The following OLFM3 variants were observed in gnomAD, a reference collection of about 807,000 sequenced individuals.
The protein encoded by OLFM3 is noelin-3.
OLFM3 carries 20 observed loss-of-function variants against 48.6 expected under a neutral mutation model. The observed-to-expected ratio is 0.41, with a 90% CI of 0.29 to 0.60. OLFM3 has a LOEUF of 0.60. Ranked by LOEUF, OLFM3 falls within the 20% of genes least tolerant of loss-of-function variation. The pLI is 0.28. For synonymous variants in OLFM3, 222 were observed against 198.1 expected (o/e 1.12, Z -1.01); for missense variants, 437 against 544.3 (o/e 0.80, Z 1.96).
Position 101,830,652 on chromosome 1 carries a change from A to G in OLFM3, c.372+20T>C. ...TCCATGTCTGATTTGGATTGACAAG[A>G]TTGCAGAAGTCAAACCTACCTGAAA... On this transcript the variant is annotated intron_variant, in intron 3 of 5. Transcript: ENST00000370103. 3.1e-6 allele frequency: 5 copies of G among 1,613,930 alleles called. No individual in the cohort carries two copies. The highest frequency in any genetic ancestry group is 4.2e-6 in the Non-Finnish European group (5 of 1,179,852).
At chr1:101,830,308 A>G (rs985286199) in intron 3 of OLFM3, among the ~76,000 whole-genome samples, 1 of 152,210 alleles carries the variant, frequency 6.6e-6, no homozygotes, top group African/African-American at 2.4e-5. Flanking sequence ...CCACATGCTC[A>G]TATTAATGGC....
Position 101,805,000 on chromosome 1 carries a change from C to T in OLFM3, c.700-85G>A. ...AAAAGAAAGACAGTGAGAGTCAACA[C>T]TTATTATAATTCTCAGGCTCTGGAA... On this transcript the variant is annotated intron_variant, in intron 5 of 5. Transcript: ENST00000370103. This position sits in a 1 kb window ranked among gnomAD's most constrained non-coding sequence, Gnocchi z 4.5. 9.6e-7 allele frequency: 1 copy of T among 1,046,284 alleles called. No individual in the cohort carries two copies. 64.8% of individuals were successfully genotyped at this position (1,046,284 alleles called of 1,614,324 possible).
Position 101,942,912 on chromosome 1 carries a change from G to A in OLFM3, c.69+53836C>T, listed in dbSNP as rs980546352. On this transcript the variant is annotated intron_variant, in intron 1 of 5. Transcript: ENST00000370103. Reference sequence around the variant, plus strand: ...TCTTTGGTTACTAACGGTGACTCCTGAGAGTCACTATTTACAATTCTATTT... The same window carrying A: ...TCTTTGGTTACTAACGGTGACTCCTAAGAGTCACTATTTACAATTCTATTT... 3.3e-5 allele frequency among the ~76,000 whole-genome samples: 5 copies of A among 152,254 alleles called. No individual in the cohort carries two copies. In the East Asian group the frequency reaches 9.7e-4, roughly 29 times the overall value.
At chr1:101,842,300 G>A (rs1655762978) in intron 1 of OLFM3, among the ~76,000 whole-genome samples, 1 of 152,164 alleles carries the variant, frequency 6.6e-6, no homozygotes, top group African/African-American at 2.4e-5. Flanking sequence ...TTGGGAGGCT[G>A]GGGCAGGTGG....
chr1:101,978,653 C>T (rs1279570839), intron 1 of OLFM3, among the ~76,000 whole-genome samples: 6 of 152,008 alleles, frequency 3.9e-5, no homozygotes, highest in African/African-American at 1.2e-4. Flanking sequence ...TAGTAGTAAC[C>T]AGATCAAACT....
chr1:101,819,745 T>C (rs893495477), intron 4 of OLFM3, among the ~76,000 whole-genome samples: 6 of 152,070 alleles, frequency 3.9e-5, no homozygotes, highest in African/African-American at 1.2e-4. Context: ...AAAGACATTA[T>C]GTATGGGGAA....
rs1653758175 is a variant in OLFM3 at position 101,806,080 on chromosome 1, T to C, written c.695A>G (p.Asn232Ser). ...MTDPLASEKN[N>S]RVWYMDSYTN... is the part of the protein sequence containing the mutation. The stretch of plus-strand genomic sequence containing the variant: ...GTGTTTGTGGGAGAAACATACTCTG[T>C]TGTTTTTCTCAGATGCTAAAGGGTC... Residue 232 changes from asparagine (N) to serine (S), a missense_variant, in exon 5 of 6, where the codon AAC (asparagine) becomes AGC (serine). Physicochemically the swap from Asn to Ser is conservative, Grantham distance 46. This residue lies in a region of OLFM3 where 314 missense variants were observed against 365.5 expected (regional missense o/e 0.86). Transcript: ENST00000370103. The C allele has an allele frequency of 1.2e-6, 2 of 1,609,518 alleles. No individual in the cohort carries two copies. Among genetic ancestry groups the C allele is most frequent in the South Asian group, 2.2e-5 (2 of 90,936 alleles).
intron 1 of OLFM3, among the ~76,000 whole-genome samples, chr1:101,990,989 TAAAAAA>T (rs58481588): frequency 1.1e-4 from 1 of 8,902 alleles, no homozygotes; most frequent in Non-Finnish European, 2.5e-4. Context: ...TGTCAAAAAG[TAAAAAA>T]AAAAAAAAAA....
chr1:101,907,835 A>C, intron 1 of OLFM3, among the ~76,000 whole-genome samples: 1 of 152,168 alleles, frequency 6.6e-6, no homozygotes, highest in African/African-American at 2.4e-5. Context: ...TTTCCCTTAA[A>C]ATAATCACTC....
intron 1 of OLFM3, among the ~76,000 whole-genome samples, chr1:101,977,374 G>A (rs1328389131): frequency 6.6e-6 from 1 of 152,090 alleles, no homozygotes; most frequent in Non-Finnish European, 1.5e-5. Context: ...TTTTCCTTCA[G>A]TACTAACTGT....
intron 1 of OLFM3, among the ~76,000 whole-genome samples, chr1:101,971,414 T>G (rs1660800331): frequency 6.6e-6 from 1 of 152,164 alleles, no homozygotes; most frequent in South Asian, 2.1e-4. Context: ...ATAGAAAATT[T>G]TATGAAGACT....
Position 101,804,098 on chromosome 1 carries a change from T to C in OLFM3, c.*140A>G. ...AAGTTAGACAAGCTCAGCTATGTTT[T>C]TGAAACACCAACTTTACAATAAAAA... On this transcript the variant is annotated 3_prime_UTR_variant, in exon 6 of 6. Coordinates refer to ENST00000370103, the MANE Select transcript of OLFM3 (RefSeq NM_058170.4). This position sits in a 1 kb window ranked among gnomAD's most constrained non-coding sequence, Gnocchi z 4.5. The C allele has an allele frequency of 1.5e-6, 1 of 665,450 alleles. No individual in the cohort carries two copies. 41.2% of individuals were successfully genotyped at this position (665,450 alleles called of 1,614,324 possible).
chr1:101,861,642 T>C (rs1656661363), intron 1 of OLFM3, among the ~76,000 whole-genome samples: 1 of 152,236 alleles, frequency 6.6e-6, no homozygotes, highest in African/African-American at 2.4e-5. Flanking sequence ...GTTAGCAGTA[T>C]GGCATGCCTT....
intron 1 of OLFM3, among the ~76,000 whole-genome samples, chr1:101,972,020 T>C (rs1371639766): frequency 6.6e-6 from 1 of 151,882 alleles, no homozygotes; most frequent in African/African-American, 2.4e-5. Flanking sequence ...AAGTAAACTT[T>C]TAGTTCAAAA....
chr1:101,968,475 G>A (rs1051694209), intron 1 of OLFM3, among the ~76,000 whole-genome samples: 5 of 149,704 alleles, frequency 3.3e-5, no homozygotes, highest in African/African-American at 7.4e-5. Context: ...TCTTAGGAAT[G>A]GGGTATCATC....
rs761615524 is a variant in OLFM3 at position 101,804,688 on chromosome 1, C to T, written c.927G>A (p.Glu309=). 6 of 1,612,502 alleles carry T rather than the reference C, an allele frequency of 3.7e-6. No homozygotes were observed. The highest frequency in any genetic ancestry group is 1.7e-5 in the Admixed American group (1 of 59,790). Residue 309 remains glutamate, a synonymous_variant, in exon 6 of 6, where the codon GAG becomes GAA. Coordinates refer to ENST00000370103, the MANE Select transcript of OLFM3 (RefSeq NM_058170.4). The surrounding 1 kb of genome is among the most constrained non-coding windows in gnomAD (Gnocchi z 4.5). The stretch of plus-strand genomic sequence containing the variant: ...GGTAAACATTATGAAAACCAGCATA[C>T]TCCAGGCTTCGTTGGGCAAGCACTC... ...MGRVLAQRSL[E]YAGFHNVYPY... is the part of the protein sequence containing the mutation.
At chr1:101,978,071 A>C (rs980700237) in intron 1 of OLFM3, among the ~76,000 whole-genome samples, 6 of 152,104 alleles carry the variant, frequency 3.9e-5, no homozygotes, top group African/African-American at 1.4e-4. Flanking sequence ...CTGAAAAATA[A>C]GTTAGTTTAT....
rs1659262873 is a variant in OLFM3, at chr1:101,926,120, C to A, written c.69+70628G>T. Among the ~76,000 whole-genome samples, 3 of 152,148 alleles carry A rather than the reference C, an allele frequency of 2.0e-5. No homozygotes were observed. The South Asian group carries it at 6.2e-4, about 32-fold the overall frequency. Reference sequence around the variant, plus strand: ...CTATGCTTTGTTCATTATAAATAGTCCAGTGTTTGAAGCCTTAGGTTAATT... The same window carrying A: ...CTATGCTTTGTTCATTATAAATAGTACAGTGTTTGAAGCCTTAGGTTAATT... On this transcript the variant is annotated intron_variant, in intron 1 of 5. Coordinates refer to ENST00000370103, the MANE Select transcript of OLFM3 (RefSeq NM_058170.4).
chr1:101,819,474 T>C (rs1654497490), intron 4 of OLFM3, among the ~76,000 whole-genome samples: 1 of 152,112 alleles, frequency 6.6e-6, no homozygotes, highest in Admixed American at 6.6e-5. Flanking sequence ...AGGAGGCCAT[T>C]TGAGTAATTC....
Sources: allele counts gnomAD v4.1 joint callset (sites outside exome capture counted in the v4.1 genomes callset), GRCh38; gene constraint gnomAD v4.1.1; regional missense constraint gnomAD v4.1.1; non-coding constraint Gnocchi (gnomAD v3.1); transcripts MANE v1.5; gene names NCBI Gene and HGNC (gene_info 2026-07-23, HGNC 2026-07-21).